SETD3: variants seen among roughly 807,000 people sequenced by gnomAD.
The protein encoded by SETD3 is SET domain containing 3, actin N3(tau)-histidine methyltransferase.
Under a neutral mutation model 63.0 loss-of-function variants are expected in SETD3, and 19 were observed. The ratio of observed to expected loss-of-function variants is 0.30; its 90% CI spans 0.21 to 0.44. The LOEUF (loss-of-function observed/expected upper bound fraction) is 0.44. SETD3 is among the 20% of genes least tolerant of loss of function. The probability of loss-of-function intolerance (pLI) is 1.00; values close to 1 mark genes in which losing one functional copy is unlikely to be tolerated. For synonymous variants in SETD3, 286 were observed against 264.1 expected (o/e 1.08, Z -0.80); for missense variants, 587 against 728.5 (o/e 0.81, Z 2.24).
intron 6 of SETD3, among the ~76,000 whole-genome samples, chr14:99,426,155 G>T (rs1430627409): frequency 6.6e-6 from 1 of 152,140 alleles, no homozygotes; most frequent in Admixed American, 6.5e-5. Context: ...CTAAGACAAG[G>T]TTTAAGATTC....
At chr14:99,465,508 A>G (rs1170977125) in intron 2 of SETD3, among the ~76,000 whole-genome samples, 195 bp downstream of exon 2, 1 of 152,222 alleles carries the variant, frequency 6.6e-6, no homozygotes, top group African/African-American at 2.4e-5. Flanking sequence ...ACAGCCACAC[A>G]GTTCTGACGG....
At chr14:99,412,043 T>C (rs1324091014) in intron 8 of SETD3, 1 of 152,252 alleles carries the variant, frequency 6.6e-6, no homozygotes, top group Non-Finnish European at 1.5e-5. Flanking sequence ...TTATTCTATT[T>C]ATAATACTGC....
intron 1 of SETD3, among the ~76,000 whole-genome samples, chr14:99,479,538 G>A (rs1742719870): frequency 6.6e-6 from 1 of 152,152 alleles, no homozygotes; most frequent in African/African-American, 2.4e-5. Flanking sequence ...ACTTCTCCGA[G>A]ATTATTACTG....
At chr14:99,462,532 T>C (rs1007382037) in intron 3 of SETD3, among the ~76,000 whole-genome samples, 1 of 152,234 alleles carries the variant, frequency 6.6e-6, no homozygotes, top group Non-Finnish European at 1.5e-5. Context: ...TATTCACTCC[T>C]TGAGAACTGG....
upstream of SETD3, among the ~76,000 whole-genome samples, chr14:99,485,255 C>A (rs994222536): frequency 6.6e-6 from 1 of 152,150 alleles, no homozygotes. Flanking sequence ...ACGATTTATC[C>A]GCTTGTGGAC....
Position 99,458,412 on chromosome 14 carries a change from C to CT in SETD3, c.541dup (p.Ser181LysfsTer2). On this transcript the variant is annotated frameshift_variant, in exon 6 of 13. Coordinates refer to ENST00000331768, the MANE Select transcript of SETD3 (RefSeq NM_032233.3). LOFTEE classifies it high-confidence loss of function. The stretch of plus-strand genomic sequence containing the variant: ...AAAGTAGAGAGGAGTGTCATATTCA[C>CT]TGGGGAGGGTTTGAATATAGGGCTG... 6.2e-7 allele frequency: 1 copy of CT among 1,614,056 alleles called. No homozygotes were observed. Among genetic ancestry groups the CT allele is most frequent in the East Asian group, 2.2e-5 (1 of 44,878 alleles).
the SETD3 span, among the ~76,000 whole-genome samples, chr14:99,486,397 A>G: frequency 6.6e-6 from 1 of 152,218 alleles, no homozygotes; most frequent in African/African-American, 2.4e-5. Flanking sequence ...ACAAGTTCAC[A>G]GAGTTCTGTA....
At chr14:99,422,437 G>A (rs971382013) in intron 6 of SETD3, among the ~76,000 whole-genome samples, 1 of 152,140 alleles carries the variant, frequency 6.6e-6, no homozygotes, top group Non-Finnish European at 1.5e-5. Flanking sequence ...TGTTGTTAGG[G>A]AAATGAACTT....
At chr14:99,440,805 G>A (rs1458796756) in intron 6 of SETD3, among the ~76,000 whole-genome samples, 3 of 150,016 alleles carry the variant, frequency 2.0e-5, no homozygotes, top group African/African-American at 7.4e-5. Context: ...CCATTTTTTG[G>A]AAAATACAGA....
At chr14:99,450,146 C>T (rs953962027) in intron 6 of SETD3, among the ~76,000 whole-genome samples, 2 of 152,208 alleles carry the variant, frequency 1.3e-5, no homozygotes, top group African/African-American at 2.4e-5. Context: ...CTAAAGGACA[C>T]GTAGCTATAT....
At chr14:99,440,129 G>A (rs1156502594) in intron 6 of SETD3, among the ~76,000 whole-genome samples, 1 of 152,054 alleles carries the variant, frequency 6.6e-6, no homozygotes, top group East Asian at 1.9e-4. Flanking sequence ...TCAATAAGTA[G>A]TAATTTGACT....
At chr14:99,400,305 C>T (rs985133154) in intron 11 of SETD3, 46 bp from the exon 12 acceptor site, 2 of 1,559,146 alleles carry the variant, frequency 1.3e-6, no homozygotes, top group Non-Finnish European at 1.7e-6. Flanking sequence ...AAACATAGCA[C>T]TCCTCATTTG....
In SETD3 at chr14:99,398,516, C is replaced by A; in HGVS notation, c.*163G>T. 1.5e-6 allele frequency: 1 copy of A among 667,526 alleles called. No homozygotes were observed. The highest frequency in any genetic ancestry group is 2.4e-6 in the Non-Finnish European group (1 of 408,974). The allele number at this position is 667,526 out of a possible 1,614,324, so 41.4% of individuals were successfully genotyped here. On this transcript the variant is annotated 3_prime_UTR_variant, in exon 13 of 13. Coordinates refer to ENST00000331768, the MANE Select transcript of SETD3 (RefSeq NM_032233.3). ...TGGCAATCTTAATCAAAAAGGGAAGCTAGATTTTTAAAATAACTTAAAAAA... is the reference window on the plus strand; with the variant it reads ...TGGCAATCTTAATCAAAAAGGGAAGATAGATTTTTAAAATAACTTAAAAAA...
At chr14:99,430,030 G>A (rs147874552) in intron 6 of SETD3, among the ~76,000 whole-genome samples, 43 of 152,342 alleles carry the variant, frequency 2.8e-4, no homozygotes, top group Non-Finnish European at 5.6e-4. Context: ...AGTGAGCCCA[G>A]CCTTGATGGC....
At chr14:99,466,441 G>A (rs564571935) in intron 1 of SETD3, among the ~76,000 whole-genome samples, 2 of 152,324 alleles carry the variant, frequency 1.3e-5, no homozygotes, top group East Asian at 1.9e-4. Flanking sequence ...TGCCACACAC[G>A]GGTCCTCTGC....
At chr14:99,423,588 C>CCAA (rs1892706825) in intron 6 of SETD3, among the ~76,000 whole-genome samples, 1 of 36,902 alleles carries the variant, frequency 2.7e-5, no homozygotes, top group Non-Finnish European at 4.7e-5. Flanking sequence ...CACTGTTATG[C>CCAA]AAAAAAAAAA....
At position 99,461,339 on chromosome 14, in the gene SETD3, A is replaced by G; in HGVS notation, c.198T>C (p.Gly66=). 6.2e-7 allele frequency: 1 copy of G among 1,611,612 alleles called. No individual in the cohort carries two copies. The highest frequency in any genetic ancestry group is 2.2e-5 in the East Asian group (1 of 44,872). The change falls in exon 4 of 13, where the codon GGT becomes GGC. Residue 66 remains glycine (G), a splice_region_variant and synonymous_variant. Transcript: ENST00000331768. Reference sequence around the variant, plus strand: ...TTTTTCCATCAAAAGTAACGGACAGACCTATATTAATCCACGTTTTAGAAA... The same window carrying G: ...TTTTTCCATCAAAAGTAACGGACAGGCCTATATTAATCCACGTTTTAGAAA... The part of the protein sequence containing the change: ...LVEKIRKKQK[G]LSVTFDGKRE...
At chr14:99,416,196 C>A (rs1892280126) in intron 6 of SETD3, among the ~76,000 whole-genome samples, 2 of 152,150 alleles carry the variant, frequency 1.3e-5, no homozygotes, top group Admixed American at 6.5e-5. Context: ...AATGTCTATG[C>A]CAAACAATTT....
intron 6 of SETD3, among the ~76,000 whole-genome samples, chr14:99,453,349 T>C (rs930824389): frequency 2.0e-5 from 3 of 152,192 alleles, no homozygotes; most frequent in African/African-American, 7.2e-5. Flanking sequence ...GAAAAACAGC[T>C]AGACTCAAAA....
Sources: allele counts gnomAD v4.1 joint callset (sites outside exome capture counted in the v4.1 genomes callset), GRCh38; gene constraint gnomAD v4.1.1; transcripts MANE v1.5; gene names NCBI Gene and HGNC (gene_info 2026-07-23, HGNC 2026-07-21).